DAB1: variants seen among roughly 807,000 people sequenced by gnomAD.
DAB1 encodes the protein DAB adaptor protein 1, also known as disabled homolog 1.
Under a neutral mutation model 64.6 loss-of-function variants are expected in DAB1, and 15 were observed. That is an observed-to-expected ratio of 0.23 (90% confidence interval 0.16 to 0.36). DAB1 has a LOEUF of 0.36. Among genes scored for constraint, DAB1 ranks in the 10% least tolerant of loss-of-function variants. DAB1 has a pLI of 1.00. For missense variants in DAB1, 596 were observed against 706.7 expected (o/e 0.84, Z 1.78); for synonymous variants, 235 against 251.9 (o/e 0.93, Z 0.64).
At chr1:57,817,467 T>A (rs1275769182) in intron 6 of DAB1, among the ~76,000 whole-genome samples, 2 of 152,220 alleles carry the variant, frequency 1.3e-5, no homozygotes, top group Admixed American at 1.3e-4. Flanking sequence ...CCCATCCCCC[T>A]GCAGCTCTGG....
intron 6 of DAB1, among the ~76,000 whole-genome samples, chr1:57,653,385 T>A (rs1646278928): frequency 6.6e-6 from 1 of 152,216 alleles, no homozygotes; most frequent in Non-Finnish European, 1.5e-5. Context: ...TATTATATTT[T>A]CAAGATTTTG....
intron 2 of DAB1, among the ~76,000 whole-genome samples, chr1:57,278,876 C>A (rs1466033694): frequency 6.6e-6 from 1 of 152,124 alleles, no homozygotes; most frequent in Non-Finnish European, 1.5e-5. Context: ...CATCTGTAAA[C>A]CTGAGATTTT....
rs72664681 is a variant in DAB1, at chr1:57,801,093, T to C, written n.551+82906A>G. 6.6e-3 allele frequency among the ~76,000 whole-genome samples: 1,010 copies of C among 152,276 alleles called. 6 individuals are homozygous for C. Among genetic ancestry groups the C allele is most frequent in the South Asian group, 0.019 (91 of 4,828 alleles). On this transcript the variant is annotated intron_variant and non_coding_transcript_variant, in intron 6 of 20. Coordinates refer to the DAB1 transcript ENST00000485760. ...TTAATCAAAACACAACATCAAGACATAGCATTTCTCTTCACCCTCTACTCA... is the reference window on the plus strand; with the variant it reads ...TTAATCAAAACACAACATCAAGACACAGCATTTCTCTTCACCCTCTACTCA...
chr1:58,173,907 G>C (rs754868457), intron 4 of DAB1, among the ~76,000 whole-genome samples: 2 of 152,140 alleles, frequency 1.3e-5, no homozygotes, highest in Non-Finnish European at 2.9e-5. Context: ...ACTCCTACTT[G>C]TAGGGTTAGG....
chr1:57,773,849 T>C (rs574768105), intron 6 of DAB1, among the ~76,000 whole-genome samples: 2 of 152,178 alleles, frequency 1.3e-5, no homozygotes, highest in East Asian at 3.9e-4. Context: ...TCTGTTCTGT[T>C]TCATTTAATG....
At chr1:57,592,735 T>C (rs1645459704) in intron 7 of DAB1, among the ~76,000 whole-genome samples, 1 of 152,176 alleles carries the variant, frequency 6.6e-6, no homozygotes, top group South Asian at 2.1e-4. Context: ...ACAACACAGA[T>C]GTACTTTCTC....
At position 57,922,768 on chromosome 1, in the gene DAB1, C is replaced by T. The variant is rs190247355; in HGVS notation, n.388-38606G>A. Among the ~76,000 whole-genome samples, 1,016 of 148,822 alleles carry T rather than the reference C, an allele frequency of 6.8e-3. 10 individuals are homozygous for T. Among genetic ancestry groups the T allele is most frequent in the African/African-American group, 0.024 (963 of 39,942 alleles). On this transcript the variant is annotated intron_variant and non_coding_transcript_variant, in intron 5 of 20. Coordinates refer to the DAB1 transcript ENST00000485760. ...AGCTGAGGCAGGAGAATGGCATGAA[C>T]CCGGGAGGCAGAGCTTGCAGTGAGC...
intron 1 of DAB1, among the ~76,000 whole-genome samples, chr1:57,297,863 T>C (rs1236450990): frequency 2.0e-5 from 3 of 152,218 alleles, no homozygotes; most frequent in Non-Finnish European, 4.4e-5. Flanking sequence ...CTGCCAGTTC[T>C]GATTCCACCT....
At chr1:57,028,498 A>T (rs1646862891) in intron 9 of DAB1, among the ~76,000 whole-genome samples, 1 of 152,210 alleles carries the variant, frequency 6.6e-6, no homozygotes, top group Non-Finnish European at 1.5e-5. Flanking sequence ...TGTGGAAGCA[A>T]CTTTGGAACT....
intron 5 of DAB1, among the ~76,000 whole-genome samples, chr1:58,072,083 G>GTT (rs1449418853): frequency 1.1e-5 from 1 of 92,430 alleles, no homozygotes; most frequent in Non-Finnish European, 2.6e-5. Flanking sequence ...TTATTGGTGG[G>GTT]GTGGGGGGGG....
intron 6 of DAB1, among the ~76,000 whole-genome samples, chr1:57,776,400 T>C (rs1197372715): frequency 6.6e-6 from 1 of 151,870 alleles, no homozygotes; most frequent in Non-Finnish European, 1.5e-5. Flanking sequence ...CTTTTAATCA[T>C]CTCTGCCTTT....
At chr1:57,625,472 G>T (rs1023479900) in intron 7 of DAB1, among the ~76,000 whole-genome samples, 1 of 152,112 alleles carries the variant, frequency 6.6e-6, no homozygotes, top group South Asian at 2.1e-4. Context: ...AGGGTTTTAT[G>T]GGGGAGGCAA....
intron 5 of DAB1, among the ~76,000 whole-genome samples, chr1:57,918,034 C>T (rs1644752729): frequency 6.6e-6 from 1 of 150,856 alleles, no homozygotes; most frequent in Admixed American, 6.6e-5. Context: ...CACCACTGCA[C>T]TCCAGCCGGG....
chr1:58,232,808 T>C (rs1254316774), intron 4 of DAB1, among the ~76,000 whole-genome samples: 3 of 152,180 alleles, frequency 2.0e-5, no homozygotes, highest in African/African-American at 7.2e-5. Flanking sequence ...CTCTGTTCAA[T>C]CAAATATCAC....
At chr1:57,000,955 C>T (rs1475002137) in intron 14 of DAB1, among the ~76,000 whole-genome samples, 1 of 152,156 alleles carries the variant, frequency 6.6e-6, no homozygotes, top group Non-Finnish European at 1.5e-5. Flanking sequence ...TCCTACTTGC[C>T]CGAATTTAGC....
At chr1:57,887,487 A>G (rs1015304698), upstream of DAB1, among the ~76,000 whole-genome samples, 2 of 152,232 alleles carry the variant, frequency 1.3e-5, no homozygotes, top group African/African-American at 4.8e-5. Flanking sequence ...GTCAACGCAT[A>G]GAAGAGACAC....
At chr1:57,961,744 G>A (rs995443976) in intron 5 of DAB1, among the ~76,000 whole-genome samples, 6 of 152,036 alleles carry the variant, frequency 3.9e-5, no homozygotes, top group Admixed American at 2.0e-4. Context: ...TGAGGCAGGC[G>A]GATCACCTGA....
chr1:57,052,986 C>G (rs1268247917), intron 9 of DAB1, among the ~76,000 whole-genome samples: 2 of 152,194 alleles, frequency 1.3e-5, no homozygotes, highest in East Asian at 1.9e-4. Context: ...CATATCATCC[C>G]TAGGTCTTCT....
At chr1:58,420,690 A>T (rs1047079871) in intron 3 of DAB1, among the ~76,000 whole-genome samples, 1 of 152,008 alleles carries the variant, frequency 6.6e-6, no homozygotes, top group Non-Finnish European at 1.5e-5. Flanking sequence ...AACACTTCTG[A>T]GATGTTTCCT....
Sources: gnomAD v4.1 joint callset for allele counts (sites outside exome capture counted in the v4.1 genomes callset) on GRCh38, gnomAD v4.1.1 for gene constraint, MANE v1.5 for transcripts, NCBI Gene and HGNC (gene_info 2026-07-23, HGNC 2026-07-21) for gene names.